ADAMDEC1: variants seen among roughly 807,000 people sequenced by gnomAD.
ADAMDEC1 encodes the protein ADAM like decysin 1.
Under a neutral mutation model 60.4 loss-of-function variants are expected in ADAMDEC1, and 62 were observed. That is an observed-to-expected ratio of 1.03 (90% confidence interval 0.84 to 1.27). The LOEUF (loss-of-function observed/expected upper bound fraction) is 1.27, where lower values mean the gene tolerates loss of function less well. Among genes scored for constraint, ADAMDEC1 ranks in the 50% most tolerant of loss-of-function variants. The pLI is 0.00. For synonymous variants in ADAMDEC1, 210 were observed against 195.1 expected (o/e 1.08, Z -0.64); for missense variants, 595 against 565.0 (o/e 1.05, Z -0.54).
chr8:24,395,568 C>T lies in ADAMDEC1; in HGVS notation c.364-152C>T, dbSNP rs904172932. The T allele has an allele frequency of 1.9e-5, 11 of 573,686 alleles. No individual in the cohort carries two copies. In the African/African-American group the frequency reaches 2.1e-4, roughly 11 times the overall value. The allele number at this position is 573,686 out of a possible 1,614,324, so 35.5% of individuals were successfully genotyped here. A position where few individuals can be genotyped will look rare whatever the true frequency, so the allele number is the denominator to read the frequency against. ...GTGTTTCTGAGGATTGGTCTGGCCA[C>T]AGTCACTACTTGAAGAATTTTTACA... On this transcript the variant is annotated intron_variant, in intron 4 of 13. Transcript: ENST00000256412.
intron 5 of ADAMDEC1, 123 bp from the exon 6 acceptor site, chr8:24,397,147 G>T: frequency 1.3e-6 from 1 of 783,058 alleles, no homozygotes; most frequent in East Asian, 2.8e-5. Context: ...TTAGCTGAAA[G>T]GTCTATGAAT....
chr8:24,399,398 T>C lies in ADAMDEC1; in HGVS notation c.935T>C (p.Ile312Thr). Residue 312 changes from isoleucine to threonine, a missense_variant, in exon 10 of 14, where the codon ATT (isoleucine) becomes ACT (threonine). Transcript: ENST00000256412. ...ATCTGTAACTTTTCATACAGCGGGA[T>C]TAGCTTCAACAATCGACGTGTGGGA... ...IHDHAQLLSGISFNNRRVGLA... is the reference protein window; with the variant it reads ...IHDHAQLLSGTSFNNRRVGLA... 6.2e-7 allele frequency: 1 copy of C among 1,613,694 alleles called. No homozygotes were observed. Among genetic ancestry groups the C allele is most frequent in the Non-Finnish European group, 8.5e-7 (1 of 1,179,692 alleles).
At position 24,394,143 on chromosome 8, in the gene ADAMDEC1, A is replaced by G. The variant is rs1268862724; in HGVS notation, c.359A>G (p.Asn120Ser). Residue 120 changes from asparagine (N) to serine (S), a missense_variant, in exon 4 of 14, where the codon AAC (asparagine) becomes AGC (serine). By Grantham distance (46) the Asn-to-Ser change is conservative (BLOSUM62 1). Coordinates refer to ENST00000256412, the MANE Select transcript of ADAMDEC1 (RefSeq NM_014479.3). Reference sequence around the variant, plus strand: ...GAGGAAATTACCACGAAACCTGAGAACATGGTAGGGTCCGAATACTTTGTG... The same window carrying G: ...GAGGAAATTACCACGAAACCTGAGAGCATGGTAGGGTCCGAATACTTTGTG... ...RGEEITTKPE[N>S]MEHCYYKGNI... 6.2e-7 allele frequency: 1 copy of G among 1,608,758 alleles called. No homozygotes were observed. The highest frequency in any genetic ancestry group is 1.3e-5 in the African/African-American group (1 of 74,942).
At chr8:24,386,336 T>C (rs1037837562) in intron 1 of ADAMDEC1, among the ~76,000 whole-genome samples, 1 of 152,208 alleles carries the variant, frequency 6.6e-6, no homozygotes, top group Non-Finnish European at 1.5e-5. Context: ...CCATAAAATC[T>C]TACCATCATT....
At position 24,384,427 on chromosome 8, in the gene ADAMDEC1, G is replaced by T; in HGVS notation, c.-78G>T. On this transcript the variant is annotated 5_prime_UTR_variant, in exon 1 of 14. Transcript: ENST00000256412. ...ATTCCCCAATCTCACACGAAAAGTG[G>T]GGGTTTTAATTTTCTTGTTCAACTT... The T allele has an allele frequency of 1.7e-6, 2 of 1,186,204 alleles. No individual in the cohort carries two copies. The highest frequency in any genetic ancestry group is 1.2e-6 in the Non-Finnish European group (1 of 855,102). The allele number at this position is 1,186,204 out of a possible 1,614,324, so 73.5% of individuals were successfully genotyped here.
At position 24,405,374 on chromosome 8, in the gene ADAMDEC1, G is replaced by T; in HGVS notation, c.*76G>T. On this transcript the variant is annotated 3_prime_UTR_variant, in exon 14 of 14. Transcript: ENST00000256412. Reference sequence around the variant, plus strand: ...GAACTCTAACTGTCCCAGGAATCTTGTGAATTTTCACCCATAATGGTCTTT... The same window carrying T: ...GAACTCTAACTGTCCCAGGAATCTTTTGAATTTTCACCCATAATGGTCTTT... 1 of 1,540,376 alleles carries T rather than the reference G, an allele frequency of 6.5e-7. No homozygotes were observed. The highest frequency in any genetic ancestry group is 2.3e-5 in the East Asian group (1 of 44,174).
At position 24,398,879 on chromosome 8, in the gene ADAMDEC1, T is replaced by A. The variant is rs1817684731; in HGVS notation, c.768T>A (p.Tyr256Ter). Reference sequence around the variant, plus strand: ...GATAAATGCTCTTTCCACAGATATATAACACCATAGATGTTCAAGTGGCCT... The same window carrying A: ...GATAAATGCTCTTTCCACAGATATAAAACACCATAGATGTTCAAGTGGCCT... ...FDVMNLLNVI[Y>*]NTIDVQVALV... is the part of the protein sequence containing the mutation. The change falls in exon 9 of 14, where the codon TAT becomes TAA. Residue 256 changes from tyrosine to a stop codon, truncating the protein, a stop_gained. Transcript: ENST00000256412. LOFTEE classifies it high-confidence loss of function. 1.2e-6 allele frequency: 2 copies of A among 1,613,194 alleles called. No individual in the cohort carries two copies. Among genetic ancestry groups the A allele is most frequent in the Non-Finnish European group, 1.7e-6 (2 of 1,179,726 alleles).
chr8:24,393,334 A>G lies in ADAMDEC1; in HGVS notation c.280A>G (p.Thr94Ala), dbSNP rs1460879855. ...GEEIILSLQK[T>A]KHLLGPDYTE... is the part of the protein sequence containing the mutation. ...AGAAATCATTCTCTCCCTACAAAAA[A>G]CCAAGTAAGTTGTACCTCCTAAAAG... Residue 94 changes from threonine (T) to alanine (A), a missense_variant, in exon 3 of 14, where the codon ACC becomes GCC. Physicochemically the swap from Thr to Ala is moderately conservative, Grantham distance 58. Coordinates refer to ENST00000256412, the MANE Select transcript of ADAMDEC1 (RefSeq NM_014479.3). 1 of 1,595,238 alleles carries G rather than the reference A, an allele frequency of 6.3e-7. No homozygotes were observed. Among genetic ancestry groups the G allele is most frequent in the Admixed American group, 1.7e-5 (1 of 58,942 alleles).
intron 1 of ADAMDEC1, among the ~76,000 whole-genome samples, chr8:24,389,804 C>T (rs955617752): frequency 1.6e-4 from 24 of 152,148 alleles, no homozygotes; most frequent in African/African-American, 5.3e-4. Flanking sequence ...TTCCTCTATC[C>T]GGAACTCTTT....
At position 24,398,544 on chromosome 8, in the gene ADAMDEC1, T is replaced by G; in HGVS notation, c.755T>G (p.Leu252Arg). Residue 252 changes from leucine to arginine, a missense_variant, in exon 8 of 14, where the codon CTC (leucine) becomes CGC (arginine). Physicochemically the swap from Leu to Arg is moderately radical, Grantham distance 102. Coordinates refer to ENST00000256412, the MANE Select transcript of ADAMDEC1 (RefSeq NM_014479.3). ...RSFVFDVMNLLNVIYNTIDVQ... is the reference protein window; with the variant it reads ...RSFVFDVMNLRNVIYNTIDVQ... ...TTTGTGTTTGATGTGATGAACCTAC[T>G]CAATGTGGTAAGACATTAGTCATGT... 6.3e-7 allele frequency: 1 copy of G among 1,599,752 alleles called. No homozygotes were observed. The highest frequency in any genetic ancestry group is 1.1e-5 in the South Asian group (1 of 90,318).
rs551982226 is a variant in ADAMDEC1, at chr8:24,405,431, A to G, written c.*133A>G. On this transcript the variant is annotated 3_prime_UTR_variant, in exon 14 of 14. Transcript: ENST00000256412. ...TCATTCTACTTTCTATATTGTTATCAGTCCAGGAAACAGGTAAACAGATGT... is the reference window on the plus strand; with the variant it reads ...TCATTCTACTTTCTATATTGTTATCGGTCCAGGAAACAGGTAAACAGATGT... The G allele has an allele frequency of 7.9e-6, 8 of 1,008,660 alleles. No homozygotes were observed. Among genetic ancestry groups the G allele is most frequent in the Admixed American group, 2.5e-5 (1 of 40,368 alleles). The allele number at this position is 1,008,660 out of a possible 1,614,324, so 62.5% of individuals were successfully genotyped here. A position where few individuals can be genotyped will look rare whatever the true frequency, so the allele number is the denominator to read the frequency against.
At chr8:24,393,927 T>C in intron 3 of ADAMDEC1, 142 bp from the exon 4 acceptor site, 1 of 472,234 alleles carries the variant, frequency 2.1e-6, no homozygotes, top group Non-Finnish European at 3.8e-6. Flanking sequence ...GCAACAGAGC[T>C]CCAATGTTGG....
intron 1 of ADAMDEC1, among the ~76,000 whole-genome samples, chr8:24,386,707 C>T (rs1183034516): frequency 6.6e-6 from 1 of 152,190 alleles, no homozygotes; most frequent in Non-Finnish European, 1.5e-5. Flanking sequence ...GGAATCATTC[C>T]CATCAGCATA....
At chr8:24,395,920 G>T (rs117329771) in intron 5 of ADAMDEC1, 124 bp downstream of exon 5, 5 of 685,032 alleles carry the variant, frequency 7.3e-6, no homozygotes, top group African/African-American at 7.2e-5. Context: ...CTGAATATAT[G>T]TGGTTAAAGT....
At chr8:24,388,607 C>T (rs1208953213) in intron 1 of ADAMDEC1, among the ~76,000 whole-genome samples, 1 of 152,146 alleles carries the variant, frequency 6.6e-6, no homozygotes, top group Admixed American at 6.6e-5. Flanking sequence ...GTTGGAATAG[C>T]CCAGGGCTCA....
rs1214457861 is a variant in ADAMDEC1 at position 24,394,077 on chromosome 8, TG to T, written c.297del (p.Pro100GlnfsTer32). 1 of 1,612,668 alleles carries T rather than the reference TG, an allele frequency of 6.2e-7. No homozygotes were observed. The highest frequency in any genetic ancestry group is 8.5e-7 in the Non-Finnish European group (1 of 1,178,804). On this transcript the variant is annotated frameshift_variant, in exon 4 of 14. Coordinates refer to ENST00000256412, the MANE Select transcript of ADAMDEC1 (RefSeq NM_014479.3). LOFTEE classifies it high-confidence loss of function. ...ILSLQKTKHL[L>X]GPDYTETLYS... ...CTCTCTGCTCTCTACAGGCACCTCC[TG>T]GGGCCAGACTACACTGAAACATTGT...
rs1817708754 is a variant in ADAMDEC1 at position 24,399,545 on chromosome 8, A to G, written c.1011+71A>G. The G allele has an allele frequency of 1.6e-5, 20 of 1,218,524 alleles. No individual in the cohort carries two copies. In the South Asian group the frequency reaches 2.4e-4, roughly 15 times the overall value. 75.5% of individuals were successfully genotyped at this position (1,218,524 alleles called of 1,614,324 possible). ...TGAAGGCCAGCATAACACCTTATATAGAATGAGCAAAATGAACATTTGCTG... is the reference window on the plus strand; with the variant it reads ...TGAAGGCCAGCATAACACCTTATATGGAATGAGCAAAATGAACATTTGCTG... On this transcript the variant is annotated intron_variant, in intron 10 of 13. Coordinates refer to ENST00000256412, the MANE Select transcript of ADAMDEC1 (RefSeq NM_014479.3).
chr8:24,400,795 A>T (rs1325593868), intron 11 of ADAMDEC1, among the ~76,000 whole-genome samples: 2 of 55,854 alleles, frequency 3.6e-5, no homozygotes, highest in East Asian at 1.2e-3. Context: ...CCCTCCCCCC[A>T]CCCACAACAG....
intron 1 of ADAMDEC1, chr8:24,390,170 T>C: frequency 9.5e-7 from 1 of 1,054,688 alleles, no homozygotes; most frequent in Non-Finnish European, 1.3e-6. Flanking sequence ...TCAATAAATA[T>C]TTGTGAAATG....
Sources: gnomAD v4.1 joint callset for allele counts (sites outside exome capture counted in the v4.1 genomes callset) on GRCh38, gnomAD v4.1.1 for gene constraint, MANE v1.5 for transcripts, NCBI Gene and HGNC (gene_info 2026-07-23, HGNC 2026-07-21) for gene names.